The following STS variants were observed in gnomAD, a reference collection of about 807,000 sequenced individuals.
The protein encoded by STS is steryl-sulfatase.
Under a neutral mutation model 26.8 loss-of-function variants are expected in STS, and 7 were observed. The ratio of observed to expected loss-of-function variants is 0.26; its 90% CI spans 0.15 to 0.49. The LOEUF (loss-of-function observed/expected upper bound fraction) is 0.49, where lower values mean the gene tolerates loss of function less well. Ranked by LOEUF, STS falls within the 20% of genes least tolerant of loss-of-function variation. The probability of loss-of-function intolerance (pLI) is 0.98; values close to 1 mark genes in which losing one functional copy is unlikely to be tolerated. For missense variants in STS, 434 were observed against 465.6 expected, an observed-to-expected ratio of 0.93 and a Z score of 0.63; for synonymous variants, 199 against 189.4, an observed-to-expected ratio of 1.05 and a Z score of -0.42.
intron 2 of STS, among the ~76,000 whole-genome samples, chrX:7,205,644 T>C (rs1480214104): frequency 1.5e-5 from 1 of 68,661 alleles, no homozygotes; most frequent in Non-Finnish European, 3.3e-5. Context: ...CTTTTTTCTT[T>C]TTTTTTTTTT....
intron 2 of STS, among the ~76,000 whole-genome samples, chrX:7,238,761 G>T (rs1922450352): frequency 9.0e-6 from 1 of 111,196 alleles, no homozygotes; most frequent in African/African-American, 3.3e-5. Flanking sequence ...GAGCTGGGGA[G>T]TTCAAGGCTG....
intron 2 of STS, among the ~76,000 whole-genome samples, chrX:7,222,030 A>C (rs187943121): frequency 9.0e-6 from 1 of 111,424 alleles, no homozygotes; most frequent in East Asian, 2.8e-4. Context: ...TGATTATAAA[A>C]GAGGCCCCAG....
chrX:7,271,902 T>TG (rs1229719347), intron 6 of STS, among the ~76,000 whole-genome samples: 1 of 109,942 alleles, frequency 9.1e-6, no homozygotes. Flanking sequence ...TTCAGAGAAC[T>TG]GGGGATGCCT....
In STS at chrX:7,351,962, A is replaced by G. The variant is rs1928820092; in HGVS notation, c.*1701A>G. On this transcript the variant is annotated 3_prime_UTR_variant, in exon 11 of 11. Coordinates refer to ENST00000674429, the MANE Select transcript of STS (RefSeq NM_001320752.2). ...AAAAAAAAAAAAAAAAAGAAAGAGA[A>G]GAAAGAAGTGATTCCTACCCCCTAC... The G allele has an allele frequency of 9.1e-6, 1 of 109,924 alleles. No individual in the cohort carries two copies. Among genetic ancestry groups the G allele is most frequent in the Non-Finnish European group, 1.9e-5 (1 of 52,714 alleles). The allele number at this position is 109,924 out of a possible 1,213,427, so 9.1% of individuals were successfully genotyped here. A position where few individuals can be genotyped will look rare whatever the true frequency, so the allele number is the denominator to read the frequency against.
intron 1 of STS, among the ~76,000 whole-genome samples, chrX:7,190,227 C>T (rs1484187016): frequency 9.1e-6 from 1 of 109,390 alleles, no homozygotes; most frequent in Non-Finnish European, 1.9e-5. Context: ...TGATGGGAGA[C>T]AGTGACAGAT....
chrX:7,205,863 G>A (rs1207564497), intron 2 of STS, among the ~76,000 whole-genome samples: 2 of 108,373 alleles, frequency 1.8e-5, no homozygotes, highest in African/African-American at 6.7e-5. Flanking sequence ...CAATCTTCCT[G>A]CCTCAGCCTC....
At chrX:7,329,871 G>A (rs1377910240) in intron 9 of STS, among the ~76,000 whole-genome samples, 3 of 111,831 alleles carry the variant, frequency 2.7e-5, no homozygotes, top group African/African-American at 9.8e-5. Context: ...CAAAAGAAAG[G>A]TAGTCCGGAG....
At chrX:7,176,857 G>A (rs1933580837) in intron 1 of STS, among the ~76,000 whole-genome samples, 5 of 111,224 alleles carry the variant, frequency 4.5e-5, no homozygotes, top group Admixed American at 1.9e-4. Context: ...ATTTGGGTGG[G>A]GACACAGCCA....
intron 8 of STS, among the ~76,000 whole-genome samples, chrX:7,313,747 G>A (rs1926585566): frequency 8.9e-6 from 1 of 112,168 alleles, no homozygotes; most frequent in Non-Finnish European, 1.9e-5. Context: ...AAGGGTCTCC[G>A]ACTGCTACTA....
intron 7 of STS, among the ~76,000 whole-genome samples, chrX:7,304,453 T>C (rs1926119876): frequency 9.0e-6 from 1 of 111,650 alleles, no homozygotes; most frequent in African/African-American, 3.3e-5. Flanking sequence ...ATATTTGTGA[T>C]GGACGGTTTA....
intron 2 of STS, among the ~76,000 whole-genome samples, chrX:7,225,701 A>C (rs1431269638): frequency 8.9e-6 from 1 of 112,034 alleles, no homozygotes; most frequent in Non-Finnish European, 1.9e-5. Flanking sequence ...TAATTCTGGG[A>C]AGGGTGAGAA....
At chrX:7,225,853 G>T (rs1229019168) in intron 2 of STS, among the ~76,000 whole-genome samples, 1 of 111,674 alleles carries the variant, frequency 9.0e-6, no homozygotes, top group Admixed American at 9.5e-5. Context: ...TCTTTTTAAG[G>T]AAACAAACTC....
intron 6 of STS, among the ~76,000 whole-genome samples, chrX:7,260,025 G>A (rs1322106959): frequency 1.8e-5 from 2 of 111,369 alleles, no homozygotes; most frequent in East Asian, 2.8e-4. Context: ...ATAGGCGCCC[G>A]CCACCACACC....
In STS at chrX:7,346,743, T is replaced by A. The variant is rs1313262209; in HGVS notation, c.1364-3145T>A. ...GATGAAGTATGTTATCAAGATAATT[T>A]TGGAATACAGGACTAAATATACCTA... is the stretch of plus-strand genomic sequence containing the variant. On this transcript the variant is annotated intron_variant, in intron 10 of 10. Transcript: ENST00000674429. Among the ~76,000 whole-genome samples the A allele has an allele frequency of 3.6e-5, 4 of 112,339 alleles. No individual in the cohort carries two copies. In the East Asian group the frequency reaches 1.1e-3, roughly 31 times the overall value.
In STS at chrX:7,315,895, A is replaced by C. The variant is rs185830339; in HGVS notation, c.1082-9444A>C. ...GACTCAAATGTTAATCTCTTTTGGC[A>C]ACACCTTCACAGACACAGCCAGGAA... On this transcript the variant is annotated intron_variant, in intron 8 of 10. Coordinates refer to ENST00000674429, the MANE Select transcript of STS (RefSeq NM_001320752.2). 3.3e-3 allele frequency among the ~76,000 whole-genome samples: 370 copies of C among 111,444 alleles called. 1 individual carries two copies. The highest frequency in any genetic ancestry group is 0.012 in the African/African-American group (360 of 30,678).
chrX:7,242,273 T>C (rs1396061883), intron 2 of STS, among the ~76,000 whole-genome samples: 2 of 110,653 alleles, frequency 1.8e-5, no homozygotes, highest in African/African-American at 6.6e-5. Context: ...ACATAACATT[T>C]TATTATTATT....
chrX:7,331,885 A>AT (rs1223189348), intron 9 of STS, among the ~76,000 whole-genome samples: 2 of 53,457 alleles, frequency 3.7e-5, no homozygotes, highest in African/African-American at 7.6e-5. Context: ...GGTGTGGGAT[A>AT]TTAAAAAAAA....
intron 1 of STS, among the ~76,000 whole-genome samples, chrX:7,157,103 A>C (rs1186743586): frequency 8.9e-6 from 1 of 111,789 alleles, no homozygotes; most frequent in Non-Finnish European, 1.9e-5. Context: ...TATAAGCTGG[A>C]TTCTGGGGCT....
intron 9 of STS, among the ~76,000 whole-genome samples, chrX:7,333,527 C>A (rs1427912733): frequency 1.8e-5 from 2 of 112,176 alleles, no homozygotes. Context: ...AATATAGTAT[C>A]TTTTTATTTT....
Sources: allele counts gnomAD v4.1 joint callset (sites outside exome capture counted in the v4.1 genomes callset), GRCh38; gene constraint gnomAD v4.1.1; transcripts MANE v1.5; gene names NCBI Gene and HGNC (gene_info 2026-07-23, HGNC 2026-07-21).